Variants in HPCAL4 observed in about 807,000 individuals in gnomAD.
HPCAL4 encodes the protein hippocalcin-like protein 4.
Under a neutral mutation model 18.2 loss-of-function variants are expected in HPCAL4, and 16 were observed. The ratio of observed to expected loss-of-function variants is 0.88; its 90% CI spans 0.59 to 1.33. The LOEUF (loss-of-function observed/expected upper bound fraction) is 1.33, where lower values mean the gene tolerates loss of function less well. HPCAL4 is among the 40% of genes most tolerant of loss of function. The pLI, the probability that HPCAL4 is intolerant of heterozygous loss-of-function variation, is 0.00. For synonymous variants in HPCAL4, 80 were observed against 97.5 expected, an observed-to-expected ratio of 0.82 and a Z score of 1.06; for missense variants, 214 against 256.6, an observed-to-expected ratio of 0.83 and a Z score of 1.14.
chr1:39,685,907 C>T (rs986865510), intron 1 of HPCAL4, among the ~76,000 whole-genome samples: 2 of 145,308 alleles, frequency 1.4e-5, no homozygotes, highest in East Asian at 2.0e-4. Context: ...ATTGGCCGGG[C>T]GCAGTGGCTC....
intron 1 of HPCAL4, among the ~76,000 whole-genome samples, chr1:39,686,653 T>C (rs1282041647): frequency 6.6e-6 from 1 of 152,188 alleles, no homozygotes. Flanking sequence ...TCAAGAGTTA[T>C]TCCCCAGTGG....
chr1:39,687,978 T>C (rs1646689732), intron 1 of HPCAL4, among the ~76,000 whole-genome samples: 1 of 152,126 alleles, frequency 6.6e-6, no homozygotes, highest in South Asian at 2.1e-4. Flanking sequence ...CATCCCCTTA[T>C]TTCAGTGAAA....
chr1:39,688,596 C>T (rs552499185), intron 1 of HPCAL4, among the ~76,000 whole-genome samples: 2 of 152,144 alleles, frequency 1.3e-5, no homozygotes, highest in East Asian at 1.9e-4. Flanking sequence ...TTTTTCCCCC[C>T]GAAAGTTACA....
chr1:39,682,478 A>T lies in HPCAL4; in HGVS notation c.*58T>A. ...TCCTGGGAGGCCAGCCAGAGAGGTC[A>T]TCAGGTTGGGAGGTGGCCATGCCCC... On this transcript the variant is annotated 3_prime_UTR_variant, in exon 4 of 4. Coordinates refer to ENST00000372844, the MANE Select transcript of HPCAL4 (RefSeq NM_016257.4). 3 of 1,555,214 alleles carry T rather than the reference A, an allele frequency of 1.9e-6. No homozygotes were observed. The South Asian group carries it at 3.4e-5, about 17-fold the overall frequency.
chr1:39,685,291 T>C (rs1363228907), intron 1 of HPCAL4, among the ~76,000 whole-genome samples: 2 of 152,194 alleles, frequency 1.3e-5, no homozygotes, highest in Non-Finnish European at 2.9e-5. Context: ...CTCCAATCCA[T>C]GCCAAGAAAT....
At chr1:39,688,869 C>T (rs1171702476) in intron 1 of HPCAL4, among the ~76,000 whole-genome samples, 1 of 152,162 alleles carries the variant, frequency 6.6e-6, no homozygotes, top group African/African-American at 2.4e-5. Context: ...TATGATCAGC[C>T]TTTTCCAGTC....
intron 1 of HPCAL4, among the ~76,000 whole-genome samples, chr1:39,689,851 C>T (rs549610711): frequency 1.2e-3 from 168 of 136,306 alleles, no homozygotes; most frequent in African/African-American, 4.5e-3. Flanking sequence ...GCTCCCTGGT[C>T]AGGAGATTTT....
chr1:39,689,459 C>A (rs1336101795), intron 1 of HPCAL4, among the ~76,000 whole-genome samples: 8 of 152,160 alleles, frequency 5.3e-5, no homozygotes, highest in African/African-American at 1.9e-4. Context: ...GCTATCACAC[C>A]CACTTCAGAG....
At chr1:39,687,233 G>A (rs1001586877) in intron 1 of HPCAL4, among the ~76,000 whole-genome samples, 4 of 152,166 alleles carry the variant, frequency 2.6e-5, no homozygotes, top group Non-Finnish European at 4.4e-5. Flanking sequence ...GAGGCTGGGC[G>A]GAAAATGGCT....
In HPCAL4 at chr1:39,682,443, G is replaced by A. The variant is rs748727565; in HGVS notation, c.*93C>T. ...GGGTGGGCCAGAGAGGGGGGCTGGA[G>A]TGTCCCTCCTCCTGGGAGGCCAGCC... is the stretch of plus-strand genomic sequence containing the variant. On this transcript the variant is annotated 3_prime_UTR_variant, in exon 4 of 4. Coordinates refer to ENST00000372844, the MANE Select transcript of HPCAL4 (RefSeq NM_016257.4). 8.8e-5 allele frequency: 105 copies of A among 1,195,288 alleles called. No individual in the cohort carries two copies. The highest frequency in any genetic ancestry group is 1.2e-4 in the Non-Finnish European group (99 of 821,528). 74.0% of individuals were successfully genotyped at this position (1,195,288 alleles called of 1,614,324 possible). A position where few individuals can be genotyped will look rare whatever the true frequency, so the allele number is the denominator to read the frequency against.
chr1:39,685,817 A>T (rs185989139), intron 1 of HPCAL4, among the ~76,000 whole-genome samples: 2,927 of 145,154 alleles, frequency 0.02, 31 homozygotes, highest in Middle Eastern at 0.041. Flanking sequence ...GAGGGAGAGC[A>T]TGCAGTGAGC....
Position 39,684,517 on chromosome 1 carries a change from C to A in HPCAL4, c.87G>T (p.Gln29His). Reference sequence around the variant, plus strand: ...AGTCCTTCAGGAAGCCCTTGTACCACTGCTTCAGCTCCTGCTCGCTGAACT... The same window carrying A: ...AGTCCTTCAGGAAGCCCTTGTACCAATGCTTCAGCTCCTGCTCGCTGAACT... ...NTEFSEQELKQWYKGFLKDCP... is the reference protein window; with the variant it reads ...NTEFSEQELKHWYKGFLKDCP... Residue 29 changes from glutamine to histidine, a missense_variant, in exon 2 of 4, where the codon CAG (glutamine) becomes CAT (histidine). Physicochemically the swap from Gln to His is conservative, Grantham distance 24. Transcript: ENST00000372844. 6.2e-7 allele frequency: 1 copy of A among 1,613,720 alleles called. No homozygotes were observed. Among genetic ancestry groups the A allele is most frequent in the Non-Finnish European group, 8.5e-7 (1 of 1,179,798 alleles).
At chr1:39,688,863 A>G (rs924017037) in intron 1 of HPCAL4, among the ~76,000 whole-genome samples, 7 of 152,068 alleles carry the variant, frequency 4.6e-5, no homozygotes, top group African/African-American at 1.7e-4. Context: ...CTTCCTTATG[A>G]TCAGCCTTTT....
intron 3 of HPCAL4, 74 bp downstream of exon 3, chr1:39,683,862 AG>A: frequency 7.3e-7 from 1 of 1,365,138 alleles, no homozygotes; most frequent in Non-Finnish European, 1.0e-6. Context: ...CCGAAGCCCG[AG>A]AGCAGCGCGG....
At position 39,682,197 on chromosome 1, in the gene HPCAL4, C is replaced by T; in HGVS notation, c.*339G>A. On this transcript the variant is annotated 3_prime_UTR_variant, in exon 4 of 4. Transcript: ENST00000372844. ...GGGACCACATCCTATAAAGCATAAT[C>T]CCAGGATCAAGAGAATTCCTAACCA... 2 of 310,934 alleles carry T rather than the reference C, an allele frequency of 6.4e-6. No homozygotes were observed. The highest frequency in any genetic ancestry group is 7.2e-5 in the South Asian group (2 of 27,726). The allele number at this position is 310,934 out of a possible 1,614,324, so 19.3% of individuals were successfully genotyped here.
chr1:39,680,694 T>C lies in HPCAL4; in HGVS notation c.*1842A>G, dbSNP rs1646617271. ...ATATGGCTGGTCATGAGCAAGAGGATAGCAAAAGGATAGCAACCCAGTGGT... is the reference window on the plus strand; with the variant it reads ...ATATGGCTGGTCATGAGCAAGAGGACAGCAAAAGGATAGCAACCCAGTGGT... On this transcript the variant is annotated 3_prime_UTR_variant, in exon 4 of 4. Coordinates refer to ENST00000372844, the MANE Select transcript of HPCAL4 (RefSeq NM_016257.4). The C allele has an allele frequency of 1.3e-5, 2 of 152,250 alleles. No homozygotes were observed. The highest frequency in any genetic ancestry group is 1.9e-4 in the East Asian group (1 of 5,174). 9.4% of individuals were successfully genotyped at this position (152,250 alleles called of 1,614,324 possible).
At chr1:39,689,387 G>A (rs906413396) in intron 1 of HPCAL4, among the ~76,000 whole-genome samples, 1 of 152,144 alleles carries the variant, frequency 6.6e-6, no homozygotes, top group Non-Finnish European at 1.5e-5. Context: ...CGTAAGAGGA[G>A]CAGAACCCCC....
At chr1:39,682,754 G>C in intron 3 of HPCAL4, 21 bp from the exon 4 acceptor site, 1 of 1,612,130 alleles carries the variant, frequency 6.2e-7, no homozygotes, top group Non-Finnish European at 8.5e-7. Context: ...AAGGAGGAGG[G>C]AGGTGTGAAC....
chr1:39,682,543 T>C lies in HPCAL4; in HGVS notation c.569A>G (p.Gln190Arg), dbSNP rs1469414890. The C allele has an allele frequency of 1.2e-6, 2 of 1,614,122 alleles. No homozygotes were observed. The highest frequency in any genetic ancestry group is 1.7e-6 in the Non-Finnish European group (2 of 1,180,038). ...CCTGCCCCTCACCAGCTTCTACTTC[T>C]GCATGTCACACTGCAGCAGCAACAC... ...SIVLLLQCDM[Q>R]K Residue 190 changes from glutamine to arginine, a missense_variant, in exon 4 of 4, where the codon CAG becomes CGG. Coordinates refer to ENST00000372844, the MANE Select transcript of HPCAL4 (RefSeq NM_016257.4).
Sources: allele counts gnomAD v4.1 joint callset (sites outside exome capture counted in the v4.1 genomes callset), GRCh38; gene constraint gnomAD v4.1.1; transcripts MANE v1.5; gene names NCBI Gene and HGNC (gene_info 2026-07-23, HGNC 2026-07-21).